The following SLC25A13 variants were observed in gnomAD, a reference collection of about 807,000 sequenced individuals.
The protein encoded by SLC25A13 is electrogenic aspartate/glutamate antiporter SLC25A13, mitochondrial.
In SLC25A13, 70 loss-of-function variants were observed where a neutral mutation model predicts 85.5. The ratio of observed to expected loss-of-function variants is 0.82; its 90% confidence interval spans 0.68 to 1.00. The LOEUF is 1.00. Among genes scored for constraint, SLC25A13 ranks in the 50% least tolerant of loss-of-function variants. The pLI is 0.00. For missense variants in SLC25A13, 765 were observed against 819.8 expected (o/e 0.93, Z 0.82); for synonymous variants, 259 against 288.7 (o/e 0.90, Z 1.04).
chr7:96,314,670 A>T lies in SLC25A13; in HGVS notation c.15+7272T>A, dbSNP rs1481028634. 2.6e-5 allele frequency among the ~76,000 whole-genome samples: 4 copies of T among 152,286 alleles called. 1 individual carries two copies. Among genetic ancestry groups the T allele is most frequent in the East Asian group, 3.9e-4 (2 of 5,174 alleles). On this transcript the variant is annotated intron_variant, in intron 1 of 17. Transcript: ENST00000265631. ...GCCATAATAGATAATCCTCACACAT[A>T]GTGGAGAACAAAGGGAGGAATGGTT...
chr7:96,310,331 G>T (rs1799904866), intron 1 of SLC25A13, among the ~76,000 whole-genome samples: 1 of 152,112 alleles, frequency 6.6e-6, no homozygotes, highest in Admixed American at 6.6e-5. Flanking sequence ...CAAGCCAGAG[G>T]TCTTGCAGCA....
intron 13 of SLC25A13, among the ~76,000 whole-genome samples, chr7:96,146,958 T>G (rs1220672668): frequency 6.6e-6 from 1 of 152,158 alleles, no homozygotes; most frequent in Non-Finnish European, 1.5e-5. Flanking sequence ...CCCCAAGTCC[T>G]CACACTGAAA....
intron 3 of SLC25A13, among the ~76,000 whole-genome samples, chr7:96,269,326 G>A (rs1403254332): frequency 1.3e-5 from 2 of 152,182 alleles, no homozygotes; most frequent in Admixed American, 6.5e-5. Flanking sequence ...AGCTGGAGGT[G>A]TTAAGGCCGT....
At chr7:96,281,560 A>C (rs1469171520) in intron 2 of SLC25A13, among the ~76,000 whole-genome samples, 1 of 152,198 alleles carries the variant, frequency 6.6e-6, no homozygotes, top group Non-Finnish European at 1.5e-5. Flanking sequence ...TACAGTGACC[A>C]GAATTCAGAC....
chr7:96,274,182 T>C, intron 3 of SLC25A13, among the ~76,000 whole-genome samples: 1 of 152,076 alleles, frequency 6.6e-6, no homozygotes. Context: ...GCCTTCATTT[T>C]ACAGGAGGTT....
chr7:96,296,770 C>T (rs376102840), intron 2 of SLC25A13, 128 bp downstream of exon 2: 15 of 916,802 alleles, frequency 1.6e-5, no homozygotes, highest in African/African-American at 1.5e-4. Flanking sequence ...CATGAGCCAC[C>T]GTGCCGGGCT....
At chr7:96,186,097 G>A (rs929688289) in intron 9 of SLC25A13, among the ~76,000 whole-genome samples, 1 of 152,012 alleles carries the variant, frequency 6.6e-6, no homozygotes, top group Non-Finnish European at 1.5e-5. Context: ...GAGATGTTTA[G>A]TAATATACAC....
chr7:96,205,485 T>C (rs1795424673), intron 5 of SLC25A13, among the ~76,000 whole-genome samples: 1 of 152,092 alleles, frequency 6.6e-6, no homozygotes, highest in African/African-American at 2.4e-5. Flanking sequence ...CATTAAAAAA[T>C]AGCAGCAACA....
chr7:96,201,918 T>C (rs1795272272), intron 5 of SLC25A13, among the ~76,000 whole-genome samples: 1 of 152,058 alleles, frequency 6.6e-6, no homozygotes, highest in African/African-American at 2.4e-5. Flanking sequence ...CAGGACCACA[T>C]CTGACCAGCA....
chr7:96,256,040 C>T (rs1280147302), intron 3 of SLC25A13, among the ~76,000 whole-genome samples: 2 of 152,132 alleles, frequency 1.3e-5, no homozygotes, highest in Non-Finnish European at 2.9e-5. Flanking sequence ...GATATCGTCA[C>T]CACCAGGCCG....
intron 13 of SLC25A13, among the ~76,000 whole-genome samples, chr7:96,149,498 T>C (rs1294989892): frequency 2.6e-5 from 4 of 152,146 alleles, no homozygotes; most frequent in African/African-American, 9.7e-5. Flanking sequence ...TCACTAGGGA[T>C]GATGAGGAGT....
At chr7:96,201,822 A>G (rs1273727980) in intron 5 of SLC25A13, among the ~76,000 whole-genome samples, 2 of 152,156 alleles carry the variant, frequency 1.3e-5, no homozygotes, top group African/African-American at 4.8e-5. Context: ...TTTAACACCT[A>G]TAGCCTCTTG....
intron 3 of SLC25A13, among the ~76,000 whole-genome samples, chr7:96,240,633 C>T (rs1274475352): frequency 6.6e-6 from 1 of 151,528 alleles, no homozygotes; most frequent in African/African-American, 2.4e-5. Context: ...AATTCCAGCA[C>T]TTTGGGAGGC....
At chr7:96,168,138 GCACACACACAAA>G (rs900334529) in intron 13 of SLC25A13, among the ~76,000 whole-genome samples, 1 of 102,618 alleles carries the variant, frequency 9.7e-6, no homozygotes, top group African/African-American at 3.1e-5. Flanking sequence ...AAGCACGTGT[GCACACACACAAA>G]CACACACACA....
chr7:96,318,257 G>C (rs1237484299), intron 1 of SLC25A13, among the ~76,000 whole-genome samples: 1 of 152,152 alleles, frequency 6.6e-6, no homozygotes, highest in African/African-American at 2.4e-5. Context: ...GGTTCATATA[G>C]GTTAATTACA....
chr7:96,239,782 G>A (rs1034461760), intron 3 of SLC25A13, among the ~76,000 whole-genome samples: 1 of 152,102 alleles, frequency 6.6e-6, no homozygotes, highest in Non-Finnish European at 1.5e-5. Context: ...GATATTTTCT[G>A]TAAGCAAGTC....
chr7:96,280,202 T>C (rs368657387), intron 2 of SLC25A13, among the ~76,000 whole-genome samples: 2 of 152,228 alleles, frequency 1.3e-5, no homozygotes, highest in East Asian at 1.9e-4. Flanking sequence ...CTCTCATTTT[T>C]ACTGCTGTGT....
At chr7:96,239,675 G>A (rs1796892093) in intron 3 of SLC25A13, among the ~76,000 whole-genome samples, 1 of 152,096 alleles carries the variant, frequency 6.6e-6, no homozygotes, top group African/African-American at 2.4e-5. Flanking sequence ...TAACATGAAA[G>A]CAAATGTACA....
At position 96,184,371 on chromosome 7, in the gene SLC25A13, T is replaced by G. The variant is rs202177210; in HGVS notation, c.1083A>C (p.Ser361=). The change falls in exon 11 of 18, where the codon TCA becomes TCC. Residue 361 remains serine (S), a synonymous_variant. Coordinates refer to ENST00000265631, the MANE Select transcript of SLC25A13 (RefSeq NM_014251.3). ...TGAGTTCTCCCACAAAAGAGCCAGT[T>G]GATCGTTGGTTCTGCATTCGAGTTT... ...LVKTRMQNQR[S]TGSFVGELMY... The G allele has an allele frequency of 6.2e-7, 1 of 1,614,060 alleles. No individual in the cohort carries two copies. Among genetic ancestry groups the G allele is most frequent in the African/African-American group, 1.3e-5 (1 of 74,940 alleles).
Sources: gnomAD v4.1 joint callset for allele counts (sites outside exome capture counted in the v4.1 genomes callset) on GRCh38, gnomAD v4.1.1 for gene constraint, MANE v1.5 for transcripts, NCBI Gene and HGNC (gene_info 2026-07-23, HGNC 2026-07-21) for gene names.